Variants in RRP12 observed in about 807,000 individuals in gnomAD.
RRP12 encodes ribosomal RNA processing 12 homolog, also known as RRP12-like protein.
RRP12 carries 78 observed loss-of-function variants against 157.3 expected under a neutral mutation model. That is an observed-to-expected ratio of 0.50 (90% CI 0.41 to 0.60). The LOEUF (loss-of-function observed/expected upper bound fraction) is 0.60. RRP12 is among the 20% of genes least tolerant of loss of function. The pLI is 0.00. For missense variants in RRP12, 1,521 were observed against 1,679.9 expected, an observed-to-expected ratio of 0.91 and a Z score of 1.65; for synonymous variants, 726 against 670.9, an observed-to-expected ratio of 1.08 and a Z score of -1.27.
chr10:97,391,722 C>A (rs1281929404), intron 4 of RRP12, among the ~76,000 whole-genome samples: 1 of 152,126 alleles, frequency 6.6e-6, no homozygotes, highest in Non-Finnish European at 1.5e-5. Context: ...GAGATCGAGA[C>A]CATCCTGGCT....
intron 15 of RRP12, among the ~76,000 whole-genome samples, chr10:97,376,738 T>A (rs1286397480): frequency 1.3e-5 from 2 of 151,948 alleles, no homozygotes; most frequent in African/African-American, 4.8e-5. Flanking sequence ...ACCAAAAATG[T>A]CTCCAGGCAT....
In RRP12 at chr10:97,400,449, C is replaced by G. The variant is rs770779835; in HGVS notation, c.225G>C (p.Pro75=). 1 of 1,614,124 alleles carries G rather than the reference C, an allele frequency of 6.2e-7. No homozygotes were observed. Among genetic ancestry groups the G allele is most frequent in the Non-Finnish European group, 8.5e-7 (1 of 1,180,022 alleles). Residue 75 remains proline (P), a synonymous_variant, in exon 2 of 34, where the codon CCG becomes CCC. Coordinates refer to ENST00000370992, the MANE Select transcript of RRP12 (RefSeq NM_015179.4). The stretch of plus-strand genomic sequence containing the variant: ...CCGCCTCTTCTTCCATGGGCGTCTC[C>G]GGGGCTTCGCTTTTGCCCAAGCGCA... ...GSLRLGKSEA[P]ETPMEEEAEL... is the part of the protein sequence containing the mutation.
intron 2 of RRP12, 41 bp downstream of exon 2, chr10:97,400,264 T>C (rs892358760): frequency 6.7e-7 from 1 of 1,482,506 alleles, no homozygotes; most frequent in Non-Finnish European, 9.4e-7. Flanking sequence ...TGAGTTGGCC[T>C]CTCCTCACTA....
At chr10:97,375,245 A>G (rs1197553953) in intron 15 of RRP12, among the ~76,000 whole-genome samples, 6 of 144,494 alleles carry the variant, frequency 4.2e-5, no homozygotes, top group African/African-American at 1.3e-4. Flanking sequence ...AGGTGAGCCT[A>G]CCACACCTGG....
intron 15 of RRP12, among the ~76,000 whole-genome samples, chr10:97,376,159 A>G (rs1188131493): frequency 1.3e-5 from 2 of 151,948 alleles, no homozygotes; most frequent in African/African-American, 4.8e-5. Flanking sequence ...AAATACATTA[A>G]AAACTTGAGT....
intron 25 of RRP12, chr10:97,367,473 C>T: frequency 1.5e-5 from 5 of 323,084 alleles, no homozygotes; most frequent in South Asian, 7.1e-5. Context: ...GAAGAGGACA[C>T]GGCGGCACAG....
At chr10:97,389,654 T>G (rs888366498) in intron 6 of RRP12, among the ~76,000 whole-genome samples, 2 of 152,164 alleles carry the variant, frequency 1.3e-5, no homozygotes, top group African/African-American at 4.8e-5. Flanking sequence ...GCGCCAGGCC[T>G]GTGGGGAACA....
intron 4 of RRP12, chr10:97,393,241 T>A: frequency 2.2e-6 from 1 of 454,150 alleles, no homozygotes; most frequent in Non-Finnish European, 4.4e-6. Context: ...CACAATGATT[T>A]TCTGCTCCTC....
At chr10:97,385,102 G>A in intron 10 of RRP12, 64 bp downstream of exon 10, 1 of 580,002 alleles carries the variant, frequency 1.7e-6, no homozygotes, top group Non-Finnish European at 2.4e-6. Flanking sequence ...CTGGACACAG[G>A]CCCTGAGCAC....
chr10:97,373,291 G>T, intron 17 of RRP12, 91 bp from the exon 18 acceptor site: 1 of 1,373,406 alleles, frequency 7.3e-7, no homozygotes, highest in Non-Finnish European at 1.0e-6. Flanking sequence ...CCCTCTCTTG[G>T]GGGAGCTGGC....
rs1306859024 is a variant in RRP12 at position 97,366,264 on chromosome 10, G to A, written c.3392-31C>T. Reference sequence around the variant, plus strand: ...GTGTAGAGTTTGGCATGAGGAGGTGGAAGGCCAGTCCCATGCTACTCACCC... The same window carrying A: ...GTGTAGAGTTTGGCATGAGGAGGTGAAAGGCCAGTCCCATGCTACTCACCC... On this transcript the variant is annotated intron_variant, in intron 28 of 33. Coordinates refer to ENST00000370992, the MANE Select transcript of RRP12 (RefSeq NM_015179.4). The A allele has an allele frequency of 3.7e-6, 6 of 1,608,384 alleles. No individual in the cohort carries two copies. In the East Asian group the frequency reaches 1.3e-4, roughly 36 times the overall value.
intron 25 of RRP12, among the ~76,000 whole-genome samples, chr10:97,367,841 C>T (rs1844033209): frequency 6.6e-6 from 1 of 152,102 alleles, no homozygotes; most frequent in Non-Finnish European, 1.5e-5. Flanking sequence ...AAGCAATTCT[C>T]CTGCCTCAGC....
chr10:97,380,471 T>C (rs188034152), intron 13 of RRP12, among the ~76,000 whole-genome samples: 3 of 152,326 alleles, frequency 2.0e-5, no homozygotes, highest in East Asian at 1.9e-4. Context: ...TTCAATGCTA[T>C]ACTCACTGGT....
Position 97,366,213 on chromosome 10 carries a change from G to T in RRP12, c.3412C>A (p.Arg1138=), listed in dbSNP as rs774617555. 6.2e-7 allele frequency: 1 copy of T among 1,611,520 alleles called. No homozygotes were observed. The highest frequency in any genetic ancestry group is 1.3e-5 in the African/African-American group (1 of 74,914). Reference sequence around the variant, plus strand: ...AAGCCGTGGTCCTTCTTCCTGCCCCGGCCTGGCCCTGGCTGCGTGGCTGGG... The same window carrying T: ...AAGCCGTGGTCCTTCTTCCTGCCCCTGCCTGGCCCTGGCTGCGTGGCTGGG... ...RVLATQPGPG[R]GRKKDHGFKV... The change falls in exon 29 of 34, where the codon CGG becomes AGG. Residue 1138 remains arginine (R), a synonymous_variant. Coordinates refer to ENST00000370992, the MANE Select transcript of RRP12 (RefSeq NM_015179.4).
intron 25 of RRP12, among the ~76,000 whole-genome samples, chr10:97,367,709 A>C (rs1844028630): frequency 6.6e-6 from 1 of 152,116 alleles, no homozygotes; most frequent in Non-Finnish European, 1.5e-5. Context: ...GTGACTCCCA[A>C]ACCGGCTAGG....
chr10:97,368,646 C>A (rs758365941), intron 25 of RRP12, among the ~76,000 whole-genome samples: 2 of 152,246 alleles, frequency 1.3e-5, no homozygotes, highest in Non-Finnish European at 2.9e-5. Context: ...GTGTGAGCCA[C>A]TGCAGCCGGC....
chr10:97,384,604 AG>A (rs1489556622), intron 10 of RRP12, among the ~76,000 whole-genome samples: 2 of 150,636 alleles, frequency 1.3e-5, no homozygotes, highest in Non-Finnish European at 3.0e-5. Flanking sequence ...CAACCTCGGC[AG>A]CCAGGACGGA....
In RRP12 at chr10:97,393,521, C is replaced by T. The variant is rs75436063; in HGVS notation, c.530+163G>A. On this transcript the variant is annotated intron_variant, in intron 4 of 33. Transcript: ENST00000370992. ...GTTAGAGTTTCTCACTAGAGGCCTACGACGGTATGTCACATGCTGGCCCAT... is the reference window on the plus strand; with the variant it reads ...GTTAGAGTTTCTCACTAGAGGCCTATGACGGTATGTCACATGCTGGCCCAT... 2,187 of 698,678 alleles carry T rather than the reference C, an allele frequency of 3.1e-3. 16 individuals carry two copies. Among genetic ancestry groups the T allele is most frequent in the Middle Eastern group, 0.017 (66 of 3,884 alleles). The allele number at this position is 698,678 out of a possible 1,614,324, so 43.3% of individuals were successfully genotyped here.
intron 33 of RRP12, among the ~76,000 whole-genome samples, chr10:97,357,620 T>C (rs957133585): frequency 6.6e-6 from 1 of 152,192 alleles, no homozygotes; most frequent in Non-Finnish European, 1.5e-5. Flanking sequence ...TCTAATTTCC[T>C]ACCAATAAAG....
Sources: gnomAD v4.1 joint callset for allele counts (sites outside exome capture counted in the v4.1 genomes callset) on GRCh38, gnomAD v4.1.1 for gene constraint, MANE v1.5 for transcripts, NCBI Gene and HGNC (gene_info 2026-07-23, HGNC 2026-07-21) for gene names.